The following GSDME variants were observed in gnomAD, a reference collection of about 807,000 sequenced individuals.
GSDME encodes gasdermin-E.
Under a neutral mutation model 47.5 loss-of-function variants are expected in GSDME, and 44 were observed. The observed-to-expected ratio is 0.93, with a 90% CI of 0.73 to 1.19. GSDME has a LOEUF of 1.19. Ranked by LOEUF, GSDME falls within the 50% of genes most tolerant of loss-of-function variation. GSDME has a pLI of 0.00. For missense variants in GSDME, 663 were observed against 604.2 expected (o/e 1.10, Z -1.02); for synonymous variants, 258 against 252.8 (o/e 1.02, Z -0.20).
At chr7:24,760,015 C>T (rs755539201), upstream of GSDME, among the ~76,000 whole-genome samples, 10 of 152,124 alleles carry the variant, frequency 6.6e-5, no homozygotes, top group Non-Finnish European at 1.5e-4. This position sits in a 1 kb window ranked among gnomAD's most constrained non-coding sequence, Gnocchi z 4.2. Flanking sequence ...CTTCTTATTC[C>T]ATATAGATAT....
chr7:24,793,736 A>G, the GSDME span, among the ~76,000 whole-genome samples: 1 of 152,112 alleles, frequency 6.6e-6, no homozygotes, highest in Admixed American at 6.5e-5. Context: ...TTTTAGGACA[A>G]GAATGTAATA....
At chr7:24,701,752 C>G (rs770002545) in intron 9 of GSDME, among the ~76,000 whole-genome samples, 7 of 152,200 alleles carry the variant, frequency 4.6e-5, no homozygotes, top group Non-Finnish European at 7.4e-5. Flanking sequence ...TCAAGTAGTT[C>G]CATTTTTGCA....
intron 9 of GSDME, among the ~76,000 whole-genome samples, chr7:24,700,778 C>T (rs1188466236): frequency 2.0e-5 from 3 of 152,220 alleles, no homozygotes; most frequent in Non-Finnish European, 4.4e-5. Context: ...TTAAGCACAG[C>T]ATCACACCCC....
intron 6 of GSDME, 75 bp downstream of exon 6, chr7:24,710,149 A>G: frequency 6.6e-7 from 1 of 1,505,724 alleles, no homozygotes; most frequent in Non-Finnish European, 9.2e-7. Context: ...CTGATGCTGA[A>G]GGCCACACCA....
chr7:24,772,023 G>C, the GSDME span, among the ~76,000 whole-genome samples: 2 of 152,316 alleles, frequency 1.3e-5, no homozygotes, highest in East Asian at 3.9e-4. This position sits in a 1 kb window ranked among gnomAD's most constrained non-coding sequence, Gnocchi z 4.5. Flanking sequence ...AGGGCTGCCG[G>C]CAGAAATAGA....
chr7:24,738,855 TA>T (rs1479820765), intron 3 of GSDME, among the ~76,000 whole-genome samples: 1 of 152,142 alleles, frequency 6.6e-6, no homozygotes, highest in Non-Finnish European at 1.5e-5. Context: ...TCATTTTCAA[TA>T]AAGGTGCCAA....
At chr7:24,749,497 C>CAAAAAA (rs66692319) in intron 2 of GSDME, 67 bp downstream of exon 2, 4 of 1,099,120 alleles carry the variant, frequency 3.6e-6, no homozygotes, top group Non-Finnish European at 5.2e-6. Flanking sequence ...GACTCTGTGT[C>CAAAAAA]AAAAAAAAAA....
Position 24,733,917 on chromosome 7 carries a change from C to T in GSDME, c.404+10645G>A, listed in dbSNP as rs947063726. Among the ~76,000 whole-genome samples the T allele has an allele frequency of 1.3e-5, 2 of 152,196 alleles. No individual in the cohort carries two copies. Among genetic ancestry groups the T allele is most frequent in the Non-Finnish European group, 2.9e-5 (2 of 68,040 alleles). ...TTTACCACCTGCTGATTATACAGCC[C>T]TAGGGCCTTGAGCAAACATAGGCAG... On this transcript the variant is annotated intron_variant, in intron 3 of 9. Transcript: ENST00000645220. The surrounding 1 kb of genome is among the most constrained non-coding windows in gnomAD (Gnocchi z 4.3).
intron 3 of GSDME, among the ~76,000 whole-genome samples, chr7:24,734,318 G>A (rs1365155893): frequency 1.3e-5 from 2 of 152,170 alleles, no homozygotes; most frequent in Non-Finnish European, 2.9e-5. Flanking sequence ...TCCTAAGAAG[G>A]ATGGGTATAA....
At chr7:24,772,582 TAG>T in the GSDME span, among the ~76,000 whole-genome samples, 1 of 152,214 alleles carries the variant, frequency 6.6e-6, no homozygotes, top group Admixed American at 6.5e-5. This position sits in a 1 kb window ranked among gnomAD's most constrained non-coding sequence, Gnocchi z 4.5. Context: ...GGCTGTGGGT[TAG>T]AGTTAACTTT....
intron 5 of GSDME, among the ~76,000 whole-genome samples, chr7:24,713,143 T>C (rs1478986163): frequency 6.6e-6 from 1 of 152,118 alleles, no homozygotes; most frequent in Non-Finnish European, 1.5e-5. Context: ...TTGCTAGGTT[T>C]GAGGGACAGT....
intron 1 of GSDME, among the ~76,000 whole-genome samples, chr7:24,751,758 A>G (rs948092342): frequency 3.3e-5 from 5 of 152,218 alleles, no homozygotes; most frequent in African/African-American, 1.2e-4. Context: ...TTATTTATTT[A>G]CCAAATCATC....
intron 4 of GSDME, among the ~76,000 whole-genome samples, chr7:24,717,699 T>G (rs1789622776): frequency 3.3e-5 from 5 of 152,180 alleles, no homozygotes; most frequent in Admixed American, 3.3e-4. Context: ...CATCACAGGT[T>G]ATGGAAACAA....
the GSDME span, among the ~76,000 whole-genome samples, chr7:24,774,307 C>A: frequency 1.5e-5 from 1 of 68,898 alleles, no homozygotes; most frequent in Non-Finnish European, 2.7e-5. Context: ...CTCCCTTCCT[C>A]CCTCCCTTCC....
chr7:24,741,298 A>G (rs1484394433), intron 3 of GSDME, among the ~76,000 whole-genome samples: 2 of 152,172 alleles, frequency 1.3e-5, no homozygotes, highest in Non-Finnish European at 2.9e-5. Flanking sequence ...TTACAGAATA[A>G]TAATGAAAGC....
At chr7:24,772,836 T>G in the GSDME span, among the ~76,000 whole-genome samples, 1 of 152,190 alleles carries the variant, frequency 6.6e-6, no homozygotes, top group Non-Finnish European at 1.5e-5. The surrounding 1 kb of genome is among the most constrained non-coding windows in gnomAD (Gnocchi z 4.5). Context: ...GGTTGCCTCT[T>G]CCTCTGTGCG....
intron 1 of GSDME, among the ~76,000 whole-genome samples, chr7:24,750,174 T>A (rs1790810789): frequency 6.6e-6 from 1 of 152,178 alleles, no homozygotes; most frequent in African/African-American, 2.4e-5. Flanking sequence ...TCAATCATTA[T>A]CCAACAGGAA....
Position 24,717,253 on chromosome 7 carries a change from C to T in GSDME, c.697+1G>A, listed in dbSNP as rs779158387. ...CAGCACCCATAGGAGGTGGCACTCA[C>T]CGAACTGGCCGTCCAGTTTCACGTA... On this transcript the variant is annotated splice_donor_variant, in intron 5 of 9. Transcript: ENST00000645220. LOFTEE classifies it high-confidence loss of function. 3.2e-6 allele frequency: 5 copies of T among 1,546,684 alleles called. No individual in the cohort carries two copies. In the South Asian group the frequency reaches 4.6e-5, roughly 14 times the overall value.
the GSDME span, among the ~76,000 whole-genome samples, chr7:24,789,860 G>A: frequency 1.3e-5 from 2 of 152,192 alleles, no homozygotes; most frequent in Non-Finnish European, 2.9e-5. Flanking sequence ...TTGTGCTGAA[G>A]CATTTTGGTG....
Sources: gnomAD v4.1 joint callset for allele counts (sites outside exome capture counted in the v4.1 genomes callset) on GRCh38, gnomAD v4.1.1 for gene constraint, Gnocchi (gnomAD v3.1) non-coding constraint, MANE v1.5 for transcripts, NCBI Gene and HGNC (gene_info 2026-07-23, HGNC 2026-07-21) for gene names.